Variants in MX2 observed in about 807,000 individuals in gnomAD.
MX2 encodes the protein MX dynamin like GTPase 2, also known as interferon-induced GTP-binding protein Mx2.
MX2 carries 51 observed loss-of-function variants against 74.0 expected under a neutral mutation model. That is an observed-to-expected ratio of 0.69 (90% CI 0.55 to 0.87). The LOEUF is 0.87. MX2 is among the 40% of genes least tolerant of loss of function. The probability of loss-of-function intolerance (pLI) is 0.00; values close to 1 mark genes in which losing one functional copy is unlikely to be tolerated. For synonymous variants in MX2, 369 were observed against 339.3 expected, an observed-to-expected ratio of 1.09 and a Z score of -0.96; for missense variants, 832 against 908.7, an observed-to-expected ratio of 0.92 and a Z score of 1.09.
Position 41,376,935 on chromosome 21 carries a change from A to G in MX2, c.29A>G (p.Tyr10Cys), listed in dbSNP as rs1345340390. 4 of 1,613,998 alleles carry G rather than the reference A, an allele frequency of 2.5e-6. No individual in the cohort carries two copies. The highest frequency in any genetic ancestry group is 3.4e-6 in the Non-Finnish European group (4 of 1,180,042). The change falls in exon 2 of 14, where the codon TAC becomes TGC. Residue 10 changes from tyrosine (Y) to cysteine (C), a missense_variant. Physicochemically the swap from Tyr to Cys is radical, Grantham distance 194 (BLOSUM62 -2). Transcript: ENST00000330714. Reference protein sequence around the residue: MSKAHKPWPYRRRSQFSSRK... With the variant: MSKAHKPWPCRRRSQFSSRK... ...TCTAAGGCCCACAAGCCTTGGCCCT[A>G]CCGGAGGAGAAGTCAATTTTCTTCT...
At chr21:41,383,766 T>A (rs902550492) in intron 5 of MX2, among the ~76,000 whole-genome samples, 1 of 152,174 alleles carries the variant, frequency 6.6e-6, no homozygotes, top group African/African-American at 2.4e-5. Context: ...AAATCGCCAT[T>A]CTCTGTCTCT....
Position 41,402,247 on chromosome 21 carries a change from G to A in MX2, c.1573+119G>A, listed in dbSNP as rs539301490. On this transcript the variant is annotated intron_variant, in intron 11 of 13. Coordinates refer to ENST00000330714, the MANE Select transcript of MX2 (RefSeq NM_002463.2). This position sits in a 1 kb window ranked among gnomAD's most constrained non-coding sequence, Gnocchi z 4.5. ...AACCAGCCTGCAGACACGCTCACTGGTGTGCTAGATTGCTACTCTGTGTGG... is the reference window on the plus strand; with the variant it reads ...AACCAGCCTGCAGACACGCTCACTGATGTGCTAGATTGCTACTCTGTGTGG... 1.2e-3 allele frequency: 1,408 copies of A among 1,221,252 alleles called. 2 individuals are homozygous for A. The highest frequency in any genetic ancestry group is 1.4e-3 in the Non-Finnish European group (1,271 of 884,816). 75.7% of individuals were successfully genotyped at this position (1,221,252 alleles called of 1,614,324 possible). A position where few individuals can be genotyped will look rare whatever the true frequency, so the allele number is the denominator to read the frequency against.
In MX2 at chr21:41,377,011, A is replaced by G. The variant is rs759183641; in HGVS notation, c.105A>G (p.Pro35=). 79 of 1,614,110 alleles carry G rather than the reference A, an allele frequency of 4.9e-5. No individual in the cohort carries two copies. The Admixed American group carries it at 1.1e-3, about 23-fold the overall frequency. The change falls in exon 2 of 14, where the codon CCA becomes CCG. Residue 35 remains proline (P), a synonymous_variant. Coordinates refer to ENST00000330714, the MANE Select transcript of MX2 (RefSeq NM_002463.2). ...ATTCCTTCCAGCAACAGCCACCGCCATTCGGCACAGTGCCACCACAAATGA... is the reference window on the plus strand; with the variant it reads ...ATTCCTTCCAGCAACAGCCACCGCCGTTCGGCACAGTGCCACCACAAATGA... The part of the protein sequence containing the change: ...EMNSFQQQPP[P]FGTVPPQMMF...
rs751815741 is a variant in MX2 at position 41,390,551 on chromosome 21, T to G, written c.733-14T>G. 7 of 1,613,940 alleles carry G rather than the reference T, an allele frequency of 4.3e-6. No homozygotes were observed. The highest frequency in any genetic ancestry group is 1.7e-4 in the Middle Eastern group (1 of 6,058). On this transcript the variant is annotated splice_polypyrimidine_tract_variant and intron_variant, in intron 5 of 13. Coordinates refer to ENST00000330714, the MANE Select transcript of MX2 (RefSeq NM_002463.2). Reference sequence around the variant, plus strand: ...AGACGTGTGCTCTTTCTTTGTGCGATTCTTTGGCATCAGATCAAGGCTCTC... The same window carrying G: ...AGACGTGTGCTCTTTCTTTGTGCGAGTCTTTGGCATCAGATCAAGGCTCTC...
At chr21:41,378,939 G>A (rs918263222) in intron 3 of MX2, among the ~76,000 whole-genome samples, 2 of 152,182 alleles carry the variant, frequency 1.3e-5, no homozygotes, top group East Asian at 1.9e-4. Flanking sequence ...TGGGGTGGCC[G>A]GGAGGCATCT....
Position 41,397,668 on chromosome 21 carries a change from A to T in MX2, c.1126A>T (p.Thr376Ser), listed in dbSNP as rs199541902. The T allele has an allele frequency of 1.2e-6, 2 of 1,614,132 alleles. No homozygotes were observed. Among genetic ancestry groups the T allele is most frequent in the Admixed American group, 3.3e-5 (2 of 60,028 alleles). The change falls in exon 8 of 14, where the codon ACT (threonine) becomes TCT (serine). Residue 376 changes from threonine to serine, a missense_variant. By Grantham distance (58) the Thr-to-Ser change is moderately conservative (BLOSUM62 1). Coordinates refer to ENST00000330714, the MANE Select transcript of MX2 (RefSeq NM_002463.2). Reference sequence around the variant, plus strand: ...TCCCCGACTGGCAGAAAGACTTACCACTGAACTCATCATGCATATCCAAGT... The same window carrying T: ...TCCCCGACTGGCAGAAAGACTTACCTCTGAACTCATCATGCATATCCAAGT... ...TVPRLAERLTTELIMHIQKSL... is the reference protein window; with the variant it reads ...TVPRLAERLTSELIMHIQKSL...
intron 6 of MX2, 37 bp from the exon 7 acceptor site, chr21:41,395,550 C>A (rs776811501): frequency 6.2e-7 from 1 of 1,605,702 alleles, no homozygotes; most frequent in Non-Finnish European, 8.5e-7. Context: ...GAGGGGATCA[C>A]TGACCTTTCC....
chr21:41,390,492 C>T, intron 5 of MX2, 73 bp from the exon 6 acceptor site: 1 of 1,596,372 alleles, frequency 6.3e-7, no homozygotes. Context: ...ATCATGCCTG[C>T]CTGCCTGGCC....
chr21:41,370,307 A>AG (rs1408151308), intron 1 of MX2: 3 of 152,294 alleles, frequency 2.0e-5, no homozygotes, highest in African/African-American at 7.2e-5. Flanking sequence ...ATGGGACAGG[A>AG]GAGGAGCTGA....
chr21:41,369,474 T>C (rs573163153), intron 1 of MX2, among the ~76,000 whole-genome samples: 1 of 152,242 alleles, frequency 6.6e-6, no homozygotes, highest in Non-Finnish European at 1.5e-5. Flanking sequence ...GTCCAGGTCA[T>C]CACAGGGTGA....
In MX2 at chr21:41,390,581, A is replaced by G. The variant is rs777827233; in HGVS notation, c.749A>G (p.Lys250Arg). 49 of 1,614,090 alleles carry G rather than the reference A, an allele frequency of 3.0e-5. No individual in the cohort carries two copies. Among genetic ancestry groups the G allele is most frequent in the Non-Finnish European group, 3.7e-5 (44 of 1,180,032 alleles). ...DIGLQIKALI[K>R]KYIQRQQTIN... ...TGGCATCAGATCAAGGCTCTCATCA[A>G]GAAGTACATCCAGAGGCAGCAGACG... The change falls in exon 6 of 14, where the codon AAG (lysine) becomes AGG (arginine). Residue 250 changes from lysine (K) to arginine (R), a missense_variant. Lys to Arg is a conservative substitution (Grantham distance 26). Coordinates refer to ENST00000330714, the MANE Select transcript of MX2 (RefSeq NM_002463.2).
intron 12 of MX2, 28 bp from the exon 13 acceptor site, chr21:41,406,716 A>C: frequency 6.3e-7 from 1 of 1,597,684 alleles, no homozygotes; most frequent in Non-Finnish European, 8.5e-7. Flanking sequence ...AAAAAGAAGT[A>C]ATGTGTTTGT....
intron 5 of MX2, among the ~76,000 whole-genome samples, chr21:41,387,806 C>T (rs1302508854): frequency 6.6e-6 from 1 of 152,182 alleles, no homozygotes; most frequent in Non-Finnish European, 1.5e-5. Flanking sequence ...TACACAAACT[C>T]AGTGGGTCCA....
rs769606064 is a variant in MX2, at chr21:41,408,236, G to T, written c.*3G>T. 9 of 1,613,440 alleles carry T rather than the reference G, an allele frequency of 5.6e-6. No homozygotes were observed. Among genetic ancestry groups the T allele is most frequent in the Non-Finnish European group, 7.6e-6 (9 of 1,179,448 alleles). On this transcript the variant is annotated 3_prime_UTR_variant, in exon 14 of 14. Coordinates refer to ENST00000330714, the MANE Select transcript of MX2 (RefSeq NM_002463.2). ...TCTCCAGCAAAGAGATCCACTGAAG[G>T]GCGGCGATGCCTGTGGTTGTTTTCT...
In MX2 at chr21:41,388,973, A is replaced by G. The variant is rs1337846867; in HGVS notation, c.733-1592A>G. ...ATGCCTAGGATGGCCACCATGGCAG[A>G]GTCATCCTTCTGAATTGTCAACAGT... On this transcript the variant is annotated intron_variant, in intron 5 of 13. Transcript: ENST00000330714. This position sits in a 1 kb window ranked among gnomAD's most constrained non-coding sequence, Gnocchi z 4.0. Among the ~76,000 whole-genome samples, 1 of 152,128 alleles carries G rather than the reference A, an allele frequency of 6.6e-6. No homozygotes were observed. The highest frequency in any genetic ancestry group is 1.5e-5 in the Non-Finnish European group (1 of 68,032).
rs1350199610 is a variant in MX2 at position 41,368,154 on chromosome 21, T to C, written c.-72+6099T>C. On this transcript the variant is annotated intron_variant, in intron 1 of 13. Coordinates refer to ENST00000330714, the MANE Select transcript of MX2 (RefSeq NM_002463.2). The surrounding 1 kb of genome is among the most constrained non-coding windows in gnomAD (Gnocchi z 4.6). ...GCAGCGGCTCCTGAAAGCAGAGGCC[T>C]GCACCCCTAAGCCTCTTAAGCCCCC... Among the ~76,000 whole-genome samples, 2 of 152,196 alleles carry C rather than the reference T, an allele frequency of 1.3e-5. No individual in the cohort carries two copies. Among genetic ancestry groups the C allele is most frequent in the Non-Finnish European group, 2.9e-5 (2 of 68,040 alleles).
intron 12 of MX2, chr21:41,403,581 G>C (rs1468471543): frequency 1.4e-6 from 1 of 727,032 alleles, no homozygotes; most frequent in East Asian, 2.7e-5. Context: ...CCCGTGCCCT[G>C]CCATCTGTTC....
chr21:41,378,769 AG>A (rs1263262382), intron 3 of MX2, among the ~76,000 whole-genome samples: 1 of 152,120 alleles, frequency 6.6e-6, no homozygotes, highest in Non-Finnish European at 1.5e-5. Context: ...GCCAGCAAGA[AG>A]GGGGTGGGAC....
chr21:41,407,650 G>A lies in MX2; in HGVS notation c.1906-341G>A, dbSNP rs141497150. On this transcript the variant is annotated intron_variant, in intron 13 of 13. Coordinates refer to ENST00000330714, the MANE Select transcript of MX2 (RefSeq NM_002463.2). ...TGAAGAAGGAATGAGGGGAGGATTC[G>A]AAACGGCCCTGGTGCATACCCAGAA... 4.2e-4 allele frequency among the ~76,000 whole-genome samples: 64 copies of A among 152,330 alleles called. 1 individual carries two copies. Among genetic ancestry groups the A allele is most frequent in the African/African-American group, 1.4e-3 (57 of 41,578 alleles).
Sources: allele counts gnomAD v4.1 joint callset (sites outside exome capture counted in the v4.1 genomes callset), GRCh38; gene constraint gnomAD v4.1.1; non-coding constraint Gnocchi (gnomAD v3.1); transcripts MANE v1.5; gene names NCBI Gene and HGNC (gene_info 2026-07-23, HGNC 2026-07-21).